The following ARFGEF3 variants were observed in gnomAD, a reference collection of about 807,000 sequenced individuals.
ARFGEF3 encodes the protein brefeldin A-inhibited guanine nucleotide-exchange protein 3.
A neutral mutation model predicts 221.7 loss-of-function variants in ARFGEF3; 96 were observed. The ratio of observed to expected loss-of-function variants is 0.43; its 90% CI spans 0.37 to 0.51. The LOEUF (loss-of-function observed/expected upper bound fraction) is 0.51. Ranked by LOEUF, ARFGEF3 falls within the 20% of genes least tolerant of loss-of-function variation. The pLI is 0.00. For missense variants in ARFGEF3, 2,410 were observed against 2,789.9 expected (o/e 0.86, Z 3.07); for synonymous variants, 1,145 against 1,126.8 (o/e 1.02, Z -0.32).
intron 8 of ARFGEF3, among the ~76,000 whole-genome samples, chr6:138,247,345 G>A (rs1778502683): frequency 6.6e-6 from 1 of 152,112 alleles, no homozygotes; most frequent in South Asian, 2.1e-4. Flanking sequence ...CTTTGCTTGG[G>A]ACAGTCCCAG....
chr6:138,164,506 C>A (rs1300513904), intron 1 of ARFGEF3, among the ~76,000 whole-genome samples: 1 of 152,178 alleles, frequency 6.6e-6, no homozygotes, highest in Non-Finnish European at 1.5e-5. Context: ...GGGTTCAGAT[C>A]CTTGCCTTGA....
intron 2 of ARFGEF3, among the ~76,000 whole-genome samples, chr6:138,171,528 C>G (rs1776830939): frequency 6.6e-6 from 1 of 152,182 alleles, no homozygotes; most frequent in Non-Finnish European, 1.5e-5. Context: ...AAGCCTATTT[C>G]CCCACCTTCT....
rs946486232 is a variant in ARFGEF3 at position 138,333,879 on chromosome 6, A to G, written c.5124-91A>G. 2.9e-6 allele frequency: 4 copies of G among 1,400,274 alleles called. No individual in the cohort carries two copies. In the African/African-American group the frequency reaches 5.7e-5, roughly 20 times the overall value. 86.7% of individuals were successfully genotyped at this position (1,400,274 alleles called of 1,614,324 possible). ...TAGTTTAGTTTGTAAATTTGCATAGATCGTTCTGAAACGGGTAACGTCTAT... is the reference window on the plus strand; with the variant it reads ...TAGTTTAGTTTGTAAATTTGCATAGGTCGTTCTGAAACGGGTAACGTCTAT... On this transcript the variant is annotated intron_variant, in intron 32 of 33. Coordinates refer to ENST00000251691, the MANE Select transcript of ARFGEF3 (RefSeq NM_020340.5).
At chr6:138,252,405 T>G (rs1396052918) in intron 8 of ARFGEF3, among the ~76,000 whole-genome samples, 1 of 152,224 alleles carries the variant, frequency 6.6e-6, no homozygotes, top group East Asian at 1.9e-4. Context: ...TAATGGCACA[T>G]AAATACTAAT....
chr6:138,207,476 C>G (rs139039034), intron 3 of ARFGEF3, among the ~76,000 whole-genome samples: 1 of 152,056 alleles, frequency 6.6e-6, no homozygotes, highest in Non-Finnish European at 1.5e-5. Context: ...CTTTCAACAT[C>G]TATGGTTCTA....
chr6:138,288,182 A>C (rs1038307672), intron 17 of ARFGEF3, among the ~76,000 whole-genome samples: 15 of 152,170 alleles, frequency 9.9e-5, no homozygotes, highest in Non-Finnish European at 1.9e-4. Context: ...CCAGGAGTTC[A>C]AGACCAGCCT....
At chr6:138,324,664 G>A (rs1025968024) in intron 31 of ARFGEF3, among the ~76,000 whole-genome samples, 5 of 152,292 alleles carry the variant, frequency 3.3e-5, no homozygotes, top group East Asian at 1.9e-4. Flanking sequence ...CTTGAGACAC[G>A]TGTAAGAAGT....
chr6:138,338,916 T>C lies in ARFGEF3; in HGVS notation c.*2430T>C, dbSNP rs551032421. 1 of 152,288 alleles carries C rather than the reference T, an allele frequency of 6.6e-6. No individual in the cohort carries two copies. Among genetic ancestry groups the C allele is most frequent in the East Asian group, 1.9e-4 (1 of 5,180 alleles). The allele number at this position is 152,288 out of a possible 1,614,324, so 9.4% of individuals were successfully genotyped here. On this transcript the variant is annotated 3_prime_UTR_variant, in exon 34 of 34. Transcript: ENST00000251691. Reference sequence around the variant, plus strand: ...GGATCCAAAATTCTTGAACATAAGTTTACCCTGTACTGTGTCCAAACACTG... The same window carrying C: ...GGATCCAAAATTCTTGAACATAAGTCTACCCTGTACTGTGTCCAAACACTG...
rs111573430 is a variant in ARFGEF3, at chr6:138,278,382, C to T, written c.2129-69C>T. On this transcript the variant is annotated intron_variant, in intron 12 of 33. Transcript: ENST00000251691. ...AGTATCTCTCACGATGGGTTCGCAG[C>T]TCTCTGGAAGCCAGCCTTGCCAAGC... 1.2e-3 allele frequency: 1,753 copies of T among 1,448,652 alleles called. 14 individuals are homozygous for T. In the African/African-American group the frequency reaches 0.018, roughly 15 times the overall value. 89.7% of individuals were successfully genotyped at this position (1,448,652 alleles called of 1,614,324 possible). A position where few individuals can be genotyped will look rare whatever the true frequency, so the allele number is the denominator to read the frequency against.
rs940512268 is a variant in ARFGEF3, at chr6:138,291,746, G to A, written c.3061G>A (p.Val1021Met). 3 of 1,413,662 alleles carry A rather than the reference G, an allele frequency of 2.1e-6. No individual in the cohort carries two copies. The highest frequency in any genetic ancestry group is 2.8e-6 in the Non-Finnish European group (3 of 1,079,146). 87.6% of individuals were successfully genotyped at this position (1,413,662 alleles called of 1,614,324 possible). A position where few individuals can be genotyped will look rare whatever the true frequency, so the allele number is the denominator to read the frequency against. ...TGCTCTTTCTAGGGTGTGTGAATAC[G>A]TGGGCACCCTGGAGCACAACCACTT... ...WPHVFRVCEY[V>M]GTLEHNHFSD... The change falls in exon 19 of 34, where the codon GTG (valine) becomes ATG (methionine). Residue 1021 changes from valine (V) to methionine (M), a missense_variant. Transcript: ENST00000251691. The surrounding 1 kb of genome is among the most constrained non-coding windows in gnomAD (Gnocchi z 4.5).
chr6:138,200,830 C>A (rs1418114998), intron 2 of ARFGEF3, among the ~76,000 whole-genome samples: 38 of 152,128 alleles, frequency 2.5e-4, no homozygotes, highest in Non-Finnish European at 2.9e-5. Flanking sequence ...TAGCTGGGAC[C>A]TAATTAAACT....
intron 10 of ARFGEF3, among the ~76,000 whole-genome samples, chr6:138,261,122 AAG>A (rs1363112028): frequency 4.6e-5 from 7 of 152,210 alleles, no homozygotes; most frequent in African/African-American, 1.7e-4. Context: ...AGCAATAAGA[AAG>A]AGGGCATACT....
chr6:138,277,191 A>C (rs1472708108), intron 12 of ARFGEF3, among the ~76,000 whole-genome samples: 1 of 152,074 alleles, frequency 6.6e-6, no homozygotes, highest in Non-Finnish European at 1.5e-5. Context: ...TATTTCTTCT[A>C]ATTTATTCTA....
intron 4 of ARFGEF3, among the ~76,000 whole-genome samples, chr6:138,212,417 G>T (rs1777747411): frequency 6.6e-6 from 1 of 152,212 alleles, no homozygotes; most frequent in African/African-American, 2.4e-5. Context: ...TACACTGTTG[G>T]TGGGAGTGTA....
At chr6:138,214,517 T>C (rs1481869222) in intron 4 of ARFGEF3, among the ~76,000 whole-genome samples, 2 of 152,240 alleles carry the variant, frequency 1.3e-5, no homozygotes, top group Non-Finnish European at 2.9e-5. Flanking sequence ...CATAGCACGT[T>C]GTTATAACGG....
At chr6:138,182,626 A>G (rs1357573490) in intron 2 of ARFGEF3, among the ~76,000 whole-genome samples, 1 of 152,238 alleles carries the variant, frequency 6.6e-6, no homozygotes, top group Non-Finnish European at 1.5e-5. Flanking sequence ...AGGAAGAAGG[A>G]AACTTTAAGA....
intron 5 of ARFGEF3, among the ~76,000 whole-genome samples, chr6:138,231,104 C>A (rs73567034): frequency 6.6e-6 from 1 of 152,062 alleles, no homozygotes; most frequent in Non-Finnish European, 1.5e-5. Context: ...GGGATTGAGG[C>A]TGTTAGTATC....
intron 7 of ARFGEF3, among the ~76,000 whole-genome samples, chr6:138,243,633 T>C (rs910422032): frequency 6.6e-6 from 1 of 152,158 alleles, no homozygotes; most frequent in African/African-American, 2.4e-5. Flanking sequence ...CTTTGTTCAG[T>C]AATTTTTTAA....
chr6:138,282,586 C>T (rs1481620671), intron 14 of ARFGEF3, among the ~76,000 whole-genome samples: 1 of 152,146 alleles, frequency 6.6e-6, no homozygotes. Context: ...TGAGGTCTGT[C>T]CATGGGTGGC....
Sources: allele counts gnomAD v4.1 joint callset (sites outside exome capture counted in the v4.1 genomes callset), GRCh38; gene constraint gnomAD v4.1.1; non-coding constraint Gnocchi (gnomAD v3.1); transcripts MANE v1.5; gene names NCBI Gene and HGNC (gene_info 2026-07-23, HGNC 2026-07-21).